The following KCNK13 variants were observed in gnomAD, a reference collection of about 807,000 sequenced individuals.
The protein encoded by KCNK13 is potassium channel subfamily K member 13.
Under a neutral mutation model 23.4 loss-of-function variants are expected in KCNK13, and 12 were observed. The observed-to-expected ratio is 0.51, with a 90% CI of 0.33 to 0.83. The LOEUF (loss-of-function observed/expected upper bound fraction) is 0.83, where lower values mean the gene tolerates loss of function less well. KCNK13 is among the 40% of genes least tolerant of loss of function. The pLI, the probability that KCNK13 is intolerant of heterozygous loss-of-function variation, is 0.02. For missense variants in KCNK13, 463 were observed against 556.3 expected, an observed-to-expected ratio of 0.83 and a Z score of 1.69; for synonymous variants, 231 against 229.5, an observed-to-expected ratio of 1.01 and a Z score of -0.06.
chr14:90,113,484 C>T (rs548913771), intron 1 of KCNK13, among the ~76,000 whole-genome samples: 185 of 152,144 alleles, frequency 1.2e-3, no homozygotes, highest in African/African-American at 4.0e-3. Flanking sequence ...ATCAATGCAC[C>T]ATCTTCAATT....
At chr14:90,125,584 C>A (rs1210227823) in intron 1 of KCNK13, among the ~76,000 whole-genome samples, 2 of 123,876 alleles carry the variant, frequency 1.6e-5, no homozygotes, top group Non-Finnish European at 3.3e-5. Flanking sequence ...TAAGGAAGTG[C>A]GTAAACACAC....
Position 90,090,618 on chromosome 14 carries a change from G to A in KCNK13, c.334+28079G>A, listed in dbSNP as rs149571947. 4.9e-4 allele frequency among the ~76,000 whole-genome samples: 75 copies of A among 152,248 alleles called. 1 individual carries two copies. Among genetic ancestry groups the A allele is most frequent in the African/African-American group, 1.8e-3 (74 of 41,540 alleles). ...TGTGAGGACATGATATTTGAGAGGG[G>A]CCAGGGCAGAATGATATGGTTTGGC... On this transcript the variant is annotated intron_variant, in intron 1 of 1. Transcript: ENST00000282146.
chr14:90,142,922 AG>A (rs1308853388), intron 1 of KCNK13, among the ~76,000 whole-genome samples: 1 of 152,210 alleles, frequency 6.6e-6, no homozygotes, highest in Non-Finnish European at 1.5e-5. Context: ...ATACGTTTCT[AG>A]GGGAGCAAAT....
chr14:90,084,426 A>G (rs1320105220), intron 1 of KCNK13, among the ~76,000 whole-genome samples: 2 of 152,132 alleles, frequency 1.3e-5, no homozygotes, highest in Non-Finnish European at 2.9e-5. Context: ...TCTTGATTTT[A>G]TTTTGAATTG....
chr14:90,185,341 CT>C lies in KCNK13; in HGVS notation c.*340del. On this transcript the variant is annotated 3_prime_UTR_variant, in exon 2 of 2. Transcript: ENST00000282146. Reference sequence around the variant, plus strand: ...CTGAGGAGATAGGTTTTCCTTAAGCCTTGATTTCCTGAAGCTCTCTCTGTTC... The same window carrying C: ...CTGAGGAGATAGGTTTTCCTTAAGCCTGATTTCCTGAAGCTCTCTCTGTTC... The C allele has an allele frequency of 5.3e-6, 1 of 190,046 alleles. No individual in the cohort carries two copies. Among genetic ancestry groups the C allele is most frequent in the Non-Finnish European group, 1.1e-5 (1 of 93,146 alleles). 11.8% of individuals were successfully genotyped at this position (190,046 alleles called of 1,614,324 possible).
intron 1 of KCNK13, among the ~76,000 whole-genome samples, chr14:90,148,256 G>A (rs746747588): frequency 7.9e-5 from 12 of 152,092 alleles, no homozygotes; most frequent in South Asian, 2.1e-4. Flanking sequence ...CATTCTTGCC[G>A]TAGCACCACA....
rs184246838 is a variant in KCNK13 at position 90,098,880 on chromosome 14, C to T, written c.334+36341C>T. 3.0e-3 allele frequency among the ~76,000 whole-genome samples: 459 copies of T among 152,220 alleles called. 6 individuals carry two copies. The highest frequency in any genetic ancestry group is 0.011 in the African/African-American group (437 of 41,554). On this transcript the variant is annotated intron_variant, in intron 1 of 1. Transcript: ENST00000282146. The stretch of plus-strand genomic sequence containing the variant: ...GGATCATGAGATCAGGAGTTCAAGA[C>T]CAGCCTGGCCAAGATGGTGAAACCC...
intron 1 of KCNK13, among the ~76,000 whole-genome samples, chr14:90,063,326 C>G (rs574365967): frequency 1.3e-5 from 2 of 152,110 alleles, no homozygotes; most frequent in Non-Finnish European, 2.9e-5. Flanking sequence ...CTAGAGGCAC[C>G]TGGGAGCCAT....
At chr14:90,127,917 A>G (rs1169757106) in intron 1 of KCNK13, among the ~76,000 whole-genome samples, 1 of 152,076 alleles carries the variant, frequency 6.6e-6, no homozygotes, top group African/African-American at 2.4e-5. Context: ...TTTGGGAAAT[A>G]AGGAAGAATA....
Position 90,067,583 on chromosome 14 carries a change from CT to C in KCNK13, c.334+5048del, listed in dbSNP as rs1889024028. Among the ~76,000 whole-genome samples, 3 of 152,222 alleles carry C rather than the reference CT, an allele frequency of 2.0e-5. 1 individual carries two copies. The South Asian group carries it at 6.2e-4, about 32-fold the overall frequency. ...ATATTTAATGCTATTGAATTGTACA[CT>C]TTTAAATGGTTAAAATGATAAATAT... On this transcript the variant is annotated intron_variant, in intron 1 of 1. Transcript: ENST00000282146.
At chr14:90,073,535 C>T (rs1889100996) in intron 1 of KCNK13, among the ~76,000 whole-genome samples, 2 of 152,242 alleles carry the variant, frequency 1.3e-5, no homozygotes, top group Admixed American at 1.3e-4. Context: ...TGATGAAGAT[C>T]ACAAGGCATG....
intron 1 of KCNK13, among the ~76,000 whole-genome samples, chr14:90,163,266 A>G (rs1354132286): frequency 1.3e-5 from 2 of 152,216 alleles, no homozygotes; most frequent in East Asian, 1.9e-4. Flanking sequence ...GTCACAGAAC[A>G]ATCCTTAAGG....
chr14:90,091,800 AAGG>A (rs1889348133), intron 1 of KCNK13, among the ~76,000 whole-genome samples: 1 of 151,992 alleles, frequency 6.6e-6, no homozygotes, highest in Non-Finnish European at 1.5e-5. Flanking sequence ...GGCAGGGGAG[AAGG>A]AGAAGACCAT....
intron 1 of KCNK13, among the ~76,000 whole-genome samples, chr14:90,164,248 T>C (rs1324547514): frequency 6.6e-6 from 1 of 152,208 alleles, no homozygotes; most frequent in African/African-American, 2.4e-5. Flanking sequence ...AAAGAATGGA[T>C]CTATACTGGC....
At chr14:90,095,080 G>A (rs1246314542) in intron 1 of KCNK13, among the ~76,000 whole-genome samples, 1 of 152,316 alleles carries the variant, frequency 6.6e-6, no homozygotes, top group South Asian at 2.1e-4. Context: ...TTCAAAAAAT[G>A]TGTGCCAAAT....
intron 1 of KCNK13, among the ~76,000 whole-genome samples, chr14:90,074,094 C>T (rs900178335): frequency 1.3e-4 from 20 of 152,008 alleles, no homozygotes; most frequent in African/African-American, 4.6e-4. Flanking sequence ...CTTAGCCTCC[C>T]GAGTAGCTGG....
intron 1 of KCNK13, among the ~76,000 whole-genome samples, chr14:90,180,902 G>C (rs532892638): frequency 1.4e-4 from 22 of 152,068 alleles, no homozygotes; most frequent in Non-Finnish European, 2.2e-4. Context: ...CTGTCACCAG[G>C]CTGGAGTGCG....
In KCNK13 at chr14:90,106,818, T is replaced by C. The variant is rs544250321; in HGVS notation, c.334+44279T>C. On this transcript the variant is annotated intron_variant, in intron 1 of 1. Coordinates refer to ENST00000282146, the MANE Select transcript of KCNK13 (RefSeq NM_022054.4). Reference sequence around the variant, plus strand: ...GCATGGATTGTTTGAGGCCAGGAGTTCCAGACCAGCCTGGCCAACATGGCG... The same window carrying C: ...GCATGGATTGTTTGAGGCCAGGAGTCCCAGACCAGCCTGGCCAACATGGCG... Among the ~76,000 whole-genome samples the C allele has an allele frequency of 1.7e-3, 255 of 151,376 alleles. 2 individuals are homozygous for C. The highest frequency in any genetic ancestry group is 5.9e-3 in the African/African-American group (243 of 41,264).
At chr14:90,143,993 A>C (rs1890044132) in intron 1 of KCNK13, among the ~76,000 whole-genome samples, 1 of 152,208 alleles carries the variant, frequency 6.6e-6, no homozygotes, top group Non-Finnish European at 1.5e-5. Context: ...TAAAGCCCAA[A>C]TTTAGTTTAA....
Sources: allele counts gnomAD v4.1 joint callset (sites outside exome capture counted in the v4.1 genomes callset), GRCh38; gene constraint gnomAD v4.1.1; transcripts MANE v1.5; gene names NCBI Gene and HGNC (gene_info 2026-07-23, HGNC 2026-07-21).